Variants in ATG7 observed in about 807,000 individuals in gnomAD.
ATG7 encodes the protein autophagy related 7, also known as ubiquitin-like modifier-activating enzyme ATG7.
ATG7 carries 70 observed loss-of-function variants against 82.4 expected under a neutral mutation model. That is an observed-to-expected ratio of 0.85 (90% CI 0.70 to 1.04). ATG7 has a LOEUF of 1.04. Ranked by LOEUF, ATG7 falls within the 50% of genes least tolerant of loss-of-function variation. The pLI, the probability that ATG7 is intolerant of heterozygous loss-of-function variation, is 0.00. For missense variants in ATG7, 792 were observed against 864.3 expected (o/e 0.92, Z 1.05); for synonymous variants, 287 against 313.0 (o/e 0.92, Z 0.88).
intron 20 of ATG7, among the ~76,000 whole-genome samples, chr3:11,510,913 C>A (rs962707243): frequency 2.0e-5 from 3 of 152,136 alleles, no homozygotes; most frequent in Non-Finnish European, 4.4e-5. Context: ...TCACTGACTT[C>A]AAGAATGAAG....
Position 11,426,057 on chromosome 3 carries a change from G to A in ATG7, c.1957-747G>A, listed in dbSNP as rs543525742. Among the ~76,000 whole-genome samples, 173 of 140,400 alleles carry A rather than the reference G, an allele frequency of 1.2e-3. 2 individuals are homozygous for A. Among genetic ancestry groups the A allele is most frequent in the African/African-American group, 4.0e-3 (161 of 40,228 alleles). 92.1% of individuals were successfully genotyped at this position (140,400 alleles called of 152,430 possible). A position where few individuals can be genotyped will look rare whatever the true frequency, so the allele number is the denominator to read the frequency against. On this transcript the variant is annotated intron_variant, in intron 19 of 20. Transcript: ENST00000693202. ...ATGGTTTCTAGTTTTGGGCTATCAT[G>A]AATAGCGCTGCTGTGGACACTTTTG...
chr3:11,497,713 G>A (rs1445149052), intron 20 of ATG7, among the ~76,000 whole-genome samples: 1 of 151,784 alleles, frequency 6.6e-6, no homozygotes, highest in South Asian at 2.1e-4. Context: ...TTTGTGAGCC[G>A]TTGTTGAAGG....
rs145488856 is a variant in ATG7 at position 11,324,455 on chromosome 3, A to G, written c.679-6885A>G. Among the ~76,000 whole-genome samples the G allele has an allele frequency of 4.3e-3, 660 of 152,294 alleles. 6 individuals are homozygous for G. Among genetic ancestry groups the G allele is most frequent in the Middle Eastern group, 6.8e-3 (2 of 294 alleles). On this transcript the variant is annotated intron_variant, in intron 9 of 20. Coordinates refer to ENST00000693202, the MANE Select transcript of ATG7 (RefSeq NM_001349232.2). Reference sequence around the variant, plus strand: ...GTTAAATGGATTTTGTCATTTTCCTATTCGACGCCTGCCTTCTGCACTTAT... The same window carrying G: ...GTTAAATGGATTTTGTCATTTTCCTGTTCGACGCCTGCCTTCTGCACTTAT...
At chr3:11,312,625 G>A (rs1029111382) in intron 7 of ATG7, among the ~76,000 whole-genome samples, 1 of 152,208 alleles carries the variant, frequency 6.6e-6, no homozygotes, top group Non-Finnish European at 1.5e-5. Flanking sequence ...CTTATTGTCA[G>A]TGTCTTATGT....
chr3:11,542,316 T>C (rs1281902851), intron 20 of ATG7, among the ~76,000 whole-genome samples: 1 of 152,168 alleles, frequency 6.6e-6, no homozygotes, highest in Non-Finnish European at 1.5e-5. Context: ...GTGCCAAATA[T>C]AGCGGGACCC....
chr3:11,297,664 A>G (rs1481637527), intron 3 of ATG7, among the ~76,000 whole-genome samples: 4 of 152,236 alleles, frequency 2.6e-5, no homozygotes, highest in Non-Finnish European at 5.9e-5. Flanking sequence ...ATTTCCATGC[A>G]TTGAAAAGAT....
the ATG7 span, among the ~76,000 whole-genome samples, chr3:11,575,644 G>A: frequency 3.3e-5 from 5 of 152,340 alleles, no homozygotes; most frequent in East Asian, 9.6e-4. Context: ...ACCAGCCTTA[G>A]GAGAGAAACT....
chr3:11,445,036 AT>A (rs1310709647), intron 20 of ATG7, among the ~76,000 whole-genome samples: 5 of 152,246 alleles, frequency 3.3e-5, no homozygotes, highest in African/African-American at 1.2e-4. Context: ...AACGGCTATT[AT>A]GAAAAAGTCA....
chr3:11,544,713 CTGTGTG>C (rs1384940544), intron 20 of ATG7, among the ~76,000 whole-genome samples: 1 of 152,260 alleles, frequency 6.6e-6, no homozygotes, highest in Admixed American at 6.5e-5. Context: ...CCGCCCTTGA[CTGTGTG>C]TGTCTCAGGT....
intron 20 of ATG7, chr3:11,446,527 A>G (rs1164415214): frequency 2.2e-6 from 1 of 445,658 alleles, no homozygotes; most frequent in African/African-American, 2.0e-5. Context: ...AGATTTTCTT[A>G]CATTGATACC....
At chr3:11,562,312 C>T (rs933688015), downstream of ATG7, among the ~76,000 whole-genome samples, 1 of 152,162 alleles carries the variant, frequency 6.6e-6, no homozygotes, top group African/African-American at 2.4e-5. Flanking sequence ...TGGGGGGACA[C>T]TTTCTGTAGC....
At chr3:11,398,323 G>A (rs531551448) in intron 19 of ATG7, among the ~76,000 whole-genome samples, 2 of 152,044 alleles carry the variant, frequency 1.3e-5, no homozygotes, top group African/African-American at 2.4e-5. Context: ...TGGCATAGAC[G>A]GGATAATTAA....
chr3:11,500,210 T>C (rs2091219902), intron 20 of ATG7, among the ~76,000 whole-genome samples: 1 of 152,186 alleles, frequency 6.6e-6, no homozygotes, highest in Non-Finnish European at 1.5e-5. Flanking sequence ...GGTGAGGATG[T>C]AATGTCTCAA....
intron 20 of ATG7, among the ~76,000 whole-genome samples, chr3:11,507,341 AAATT>A (rs1485836314): frequency 3.9e-5 from 6 of 152,372 alleles, no homozygotes; most frequent in Middle Eastern, 3.4e-3. Flanking sequence ...GTTACAAAGG[AAATT>A]AATTATGTTG....
intron 19 of ATG7, 70 bp from the exon 20 acceptor site, chr3:11,426,734 G>T: frequency 2.9e-6 from 4 of 1,361,442 alleles, no homozygotes; most frequent in Non-Finnish European, 3.9e-6. Context: ...GAGCTTGTTA[G>T]AAGTGAAAGT....
intron 20 of ATG7, among the ~76,000 whole-genome samples, chr3:11,485,817 G>A (rs1301044518): frequency 6.6e-6 from 1 of 152,160 alleles, no homozygotes; most frequent in East Asian, 1.9e-4. Flanking sequence ...CCCATTGCTT[G>A]CTTTTCTCAG....
intron 20 of ATG7, among the ~76,000 whole-genome samples, chr3:11,458,964 C>G (rs528108671): frequency 3.0e-4 from 46 of 152,188 alleles, no homozygotes; most frequent in Non-Finnish European, 5.6e-4. Flanking sequence ...CTGGGTTGCC[C>G]GCAGCTTATG....
chr3:11,544,068 C>G (rs114602915), intron 20 of ATG7, among the ~76,000 whole-genome samples: 183 of 152,364 alleles, frequency 1.2e-3, no homozygotes, highest in African/African-American at 4.2e-3. Flanking sequence ...CTTCAGGCTG[C>G]TCATCTGCCC....
intron 20 of ATG7, among the ~76,000 whole-genome samples, chr3:11,524,403 T>C (rs937271369): frequency 6.6e-6 from 1 of 152,214 alleles, no homozygotes; most frequent in Non-Finnish European, 1.5e-5. Flanking sequence ...ACAACGGTGA[T>C]AGCTGCTACA....
Sources: allele counts gnomAD v4.1 joint callset (sites outside exome capture counted in the v4.1 genomes callset), GRCh38; gene constraint gnomAD v4.1.1; transcripts MANE v1.5; gene names NCBI Gene and HGNC (gene_info 2026-07-23, HGNC 2026-07-21).